ENOX1: variants seen among roughly 807,000 people sequenced by gnomAD.
ENOX1 encodes ecto-NOX disulfide-thiol exchanger 1.
A neutral mutation model predicts 82.5 loss-of-function variants in ENOX1; 42 were observed. That is an observed-to-expected ratio of 0.51 (90% CI 0.40 to 0.66). The LOEUF (loss-of-function observed/expected upper bound fraction) is 0.66. Ranked by LOEUF, ENOX1 falls within the 30% of genes least tolerant of loss-of-function variation. The pLI is 0.00. For missense variants in ENOX1, 608 were observed against 811.6 expected (o/e 0.75, Z 3.05); for synonymous variants, 271 against 282.2 (o/e 0.96, Z 0.40).
At chr13:43,751,358 T>G (rs1353512103) in intron 1 of ENOX1, among the ~76,000 whole-genome samples, 2 of 152,192 alleles carry the variant, frequency 1.3e-5, no homozygotes, top group African/African-American at 4.8e-5. Flanking sequence ...CACTGGGTTT[T>G]TAAAAATAGG....
intron 3 of ENOX1, among the ~76,000 whole-genome samples, chr13:43,445,359 G>A (rs908452688): frequency 5.3e-5 from 8 of 151,988 alleles, no homozygotes; most frequent in South Asian, 2.1e-4. Context: ...TCCTGACCTC[G>A]TGATCTGCCC....
At position 43,577,749 on chromosome 13, in the gene ENOX1, C is replaced by T. The variant is rs187234565; in HGVS notation, c.-219+89730G>A. ...GGAGTCCTCCAGACCACAGCATTAA[C>T]CATGCAGATTGTAGAAGGAGGAATA... On this transcript the variant is annotated intron_variant, in intron 2 of 16. Transcript: ENST00000690772. Among the ~76,000 whole-genome samples the T allele has an allele frequency of 5.9e-5, 9 of 152,280 alleles. No individual in the cohort carries two copies. In the East Asian group the frequency reaches 1.5e-3, roughly 26 times the overall value.
intron 2 of ENOX1, among the ~76,000 whole-genome samples, chr13:43,632,022 T>G (rs2083237546): frequency 6.6e-6 from 1 of 152,196 alleles, no homozygotes; most frequent in African/African-American, 2.4e-5. Context: ...TCATCAGCTG[T>G]TTGCCCTTCT....
At chr13:43,320,990 C>T (rs1593915794) in intron 11 of ENOX1, 26 of 453,328 alleles carry the variant, frequency 5.7e-5, no homozygotes, top group South Asian at 3.8e-4. Flanking sequence ...CTGATCTGGG[C>T]TTAGCAGGAG....
At chr13:43,328,242 C>T (rs182037813) in intron 9 of ENOX1, among the ~76,000 whole-genome samples, 8 of 152,300 alleles carry the variant, frequency 5.3e-5, no homozygotes, top group African/African-American at 9.6e-5. Context: ...AGTGGATCAC[C>T]GGGGCTTTCT....
intron 12 of ENOX1, among the ~76,000 whole-genome samples, chr13:43,289,152 T>C (rs1944071192): frequency 6.6e-6 from 1 of 152,154 alleles, no homozygotes; most frequent in Admixed American, 6.6e-5. Flanking sequence ...GCCAAAGGAA[T>C]TTACAGATTC....
chr13:43,487,136 C>T (rs2153659395), intron 2 of ENOX1, among the ~76,000 whole-genome samples: 1 of 150,568 alleles, frequency 6.6e-6, no homozygotes, highest in East Asian at 2.0e-4. Context: ...CGTGCCACTG[C>T]ACTCCAGCCT....
At chr13:43,531,652 T>C (rs1236673382) in intron 2 of ENOX1, among the ~76,000 whole-genome samples, 1 of 143,494 alleles carries the variant, frequency 7.0e-6, no homozygotes, top group African/African-American at 2.6e-5. Context: ...CTATTCACAA[T>C]AGCAAAGACT....
At chr13:43,688,243 A>G (rs1229653863) in intron 1 of ENOX1, among the ~76,000 whole-genome samples, 3 of 152,144 alleles carry the variant, frequency 2.0e-5, no homozygotes, top group Admixed American at 6.6e-5. Flanking sequence ...TCCTTTTAGC[A>G]AGATTACTGT....
chr13:43,712,763 T>C (rs975228902), intron 1 of ENOX1, among the ~76,000 whole-genome samples: 2 of 152,196 alleles, frequency 1.3e-5, no homozygotes, highest in Admixed American at 6.5e-5. Context: ...ACATTGATTT[T>C]GTATCCTGAG....
chr13:43,571,976 C>T (rs868161254), intron 2 of ENOX1, among the ~76,000 whole-genome samples: 19 of 151,708 alleles, frequency 1.3e-4, no homozygotes, highest in African/African-American at 3.6e-4. Flanking sequence ...AGGCAGTCAC[C>T]GGGGTAGTGA....
intron 3 of ENOX1, among the ~76,000 whole-genome samples, chr13:43,418,449 A>G (rs193163439): frequency 2.0e-4 from 31 of 151,992 alleles, no homozygotes; most frequent in Middle Eastern, 3.4e-3. Context: ...AATCGCTTGA[A>G]CCCAGAAGGC....
chr13:43,256,009 C>T (rs1335557446), intron 14 of ENOX1, among the ~76,000 whole-genome samples: 1 of 152,110 alleles, frequency 6.6e-6, no homozygotes, highest in Non-Finnish European at 1.5e-5. Flanking sequence ...TAAATCCATG[C>T]ATTTATAGCC....
At chr13:43,630,065 G>A (rs777679113) in intron 2 of ENOX1, among the ~76,000 whole-genome samples, 13 of 152,166 alleles carry the variant, frequency 8.5e-5, no homozygotes, top group Admixed American at 2.0e-4. Context: ...CCTGAAGTTT[G>A]AGGTATTTTA....
chr13:43,582,732 C>A (rs942693485), intron 2 of ENOX1, among the ~76,000 whole-genome samples: 6 of 152,046 alleles, frequency 3.9e-5, no homozygotes, highest in Admixed American at 3.3e-4. Flanking sequence ...CACCACCACA[C>A]CCAGCTAATT....
chr13:43,528,332 G>A (rs1235587584), intron 2 of ENOX1, among the ~76,000 whole-genome samples: 1 of 151,994 alleles, frequency 6.6e-6, no homozygotes, highest in East Asian at 1.9e-4. Context: ...TGTATACATA[G>A]GACTGTTGTC....
intron 5 of ENOX1, among the ~76,000 whole-genome samples, chr13:43,377,375 A>G (rs182288417): frequency 6.6e-6 from 1 of 152,270 alleles, no homozygotes; most frequent in Admixed American, 6.5e-5. Flanking sequence ...GGACTTCCCA[A>G]TCTCTAGAAC....
intron 14 of ENOX1, among the ~76,000 whole-genome samples, chr13:43,242,830 G>C (rs1241323663): frequency 1.3e-5 from 2 of 152,168 alleles, no homozygotes; most frequent in Non-Finnish European, 2.9e-5. Flanking sequence ...CCTATGTAAA[G>C]CTTCATTTAA....
At chr13:43,744,525 C>G (rs182903338) in intron 1 of ENOX1, among the ~76,000 whole-genome samples, 2 of 152,230 alleles carry the variant, frequency 1.3e-5, no homozygotes, top group East Asian at 3.9e-4. Context: ...AAAATGGGCT[C>G]TTTGGCAGTC....
Sources: gnomAD v4.1 joint callset for allele counts (sites outside exome capture counted in the v4.1 genomes callset) on GRCh38, gnomAD v4.1.1 for gene constraint, MANE v1.5 for transcripts, NCBI Gene and HGNC (gene_info 2026-07-23, HGNC 2026-07-21) for gene names.